ZNF714: variants seen among roughly 807,000 people sequenced by gnomAD.
The protein encoded by ZNF714 is zinc finger protein 714.
ZNF714 carries 32 observed loss-of-function variants against 46.2 expected under a neutral mutation model. The observed-to-expected ratio is 0.69, with a 90% CI of 0.52 to 0.93. ZNF714 has a LOEUF of 0.93. Among genes scored for constraint, ZNF714 ranks in the 40% least tolerant of loss-of-function variants. The probability of loss-of-function intolerance (pLI) is 0.00; values close to 1 mark genes in which losing one functional copy is unlikely to be tolerated. For synonymous variants in ZNF714, 199 were observed against 213.1 expected, an observed-to-expected ratio of 0.93 and a Z score of 0.58; for missense variants, 635 against 646.3, an observed-to-expected ratio of 0.98 and a Z score of 0.19.
In ZNF714 at chr19:21,118,553, A is replaced by G; in HGVS notation, c.*221A>G. 1 of 287,184 alleles carries G rather than the reference A, an allele frequency of 3.5e-6. No individual in the cohort carries two copies. Among genetic ancestry groups the G allele is most frequent in the Non-Finnish European group, 6.8e-6 (1 of 146,086 alleles). The allele number at this position is 287,184 out of a possible 1,614,324, so 17.8% of individuals were successfully genotyped here. Reference sequence around the variant, plus strand: ...CAACCAGTCCTCGAACCTTTTTAAGAAAATAATTTATACTGGAGAGAAATT... The same window carrying G: ...CAACCAGTCCTCGAACCTTTTTAAGGAAATAATTTATACTGGAGAGAAATT... On this transcript the variant is annotated 3_prime_UTR_variant, in exon 5 of 5. Coordinates refer to ENST00000456283, the MANE Select transcript of ZNF714 (RefSeq NM_182515.4).
rs141285087 is a variant in ZNF714 at position 21,084,119 on chromosome 19, C to G, written c.-85+50C>G. 1.6e-4 allele frequency: 113 copies of G among 717,978 alleles called. 1 individual carries two copies. The African/African-American group carries it at 1.8e-3, about 11-fold the overall frequency. The allele number at this position is 717,978 out of a possible 1,614,324, so 44.5% of individuals were successfully genotyped here. ...GAAAACACAGAAATAACATCTGCCT[C>G]CTGGATTGTCTAAGGGGTAGAAATA... On this transcript the variant is annotated intron_variant, in intron 2 of 4. Transcript: ENST00000456283.
chr19:21,106,572 A>G (rs891200677), intron 4 of ZNF714, among the ~76,000 whole-genome samples: 10 of 151,656 alleles, frequency 6.6e-5, no homozygotes, highest in Admixed American at 2.6e-4. Flanking sequence ...CCGTCTCAAA[A>G]AAAAAAAAAA....
chr19:21,093,358 G>A (rs865904249), intron 2 of ZNF714, among the ~76,000 whole-genome samples: 19 of 151,576 alleles, frequency 1.3e-4, no homozygotes, highest in African/African-American at 4.4e-4. Flanking sequence ...TCAGCCTCCC[G>A]AGTAGCTGGG....
At chr19:21,087,069 T>A (rs955127412) in intron 2 of ZNF714, among the ~76,000 whole-genome samples, 1 of 152,034 alleles carries the variant, frequency 6.6e-6, no homozygotes, top group Non-Finnish European at 1.5e-5. Context: ...ATACTGAAAG[T>A]TTTTTCTGTA....
chr19:21,089,684 G>A (rs916944815), intron 2 of ZNF714, among the ~76,000 whole-genome samples: 10 of 152,192 alleles, frequency 6.6e-5, no homozygotes, highest in Non-Finnish European at 1.0e-4. Flanking sequence ...TCCTAGGCCT[G>A]CATTCTATCC....
intron 4 of ZNF714, among the ~76,000 whole-genome samples, chr19:21,115,711 T>G (rs1969580539): frequency 6.6e-6 from 1 of 151,980 alleles, no homozygotes; most frequent in Admixed American, 6.5e-5. Context: ...GAAATTGTGC[T>G]TATATATGTG....
chr19:21,090,360 C>T (rs569963197), intron 2 of ZNF714, among the ~76,000 whole-genome samples: 1 of 152,320 alleles, frequency 6.6e-6, no homozygotes, highest in Non-Finnish European at 1.5e-5. Flanking sequence ...CCCATTAGCA[C>T]TTAAGTTTTC....
intron 4 of ZNF714, among the ~76,000 whole-genome samples, chr19:21,103,539 C>T (rs540953988): frequency 1.3e-4 from 20 of 151,836 alleles, no homozygotes; most frequent in Non-Finnish European, 2.6e-4. Flanking sequence ...GGTGACAGAG[C>T]GAGATTATGT....
Position 21,082,207 on chromosome 19 carries a change from C to T in ZNF714, c.-318C>T. ...CGGGGATGTGGCGGGGCCTTTGTCT[C>T]TCGCTGCAGCTGGAGCTGCAGGTCT... On this transcript the variant is annotated 5_prime_UTR_variant, in exon 1 of 5. Transcript: ENST00000456283. 1 of 908,170 alleles carries T rather than the reference C, an allele frequency of 1.1e-6. No homozygotes were observed. The highest frequency in any genetic ancestry group is 1.4e-5 in the South Asian group (1 of 70,792). The allele number at this position is 908,170 out of a possible 1,614,324, so 56.3% of individuals were successfully genotyped here. A position where few individuals can be genotyped will look rare whatever the true frequency, so the allele number is the denominator to read the frequency against.
At chr19:21,109,163 C>T (rs1969389329) in intron 4 of ZNF714, among the ~76,000 whole-genome samples, 1 of 152,100 alleles carries the variant, frequency 6.6e-6, no homozygotes, top group Non-Finnish European at 1.5e-5. Flanking sequence ...CTCTTATAGA[C>T]AGCAAATTGT....
Position 21,120,907 on chromosome 19 carries a change from G to T in ZNF714, c.*2575G>T, listed in dbSNP as rs1435072564. The T allele has an allele frequency of 1.3e-5, 2 of 151,986 alleles. No individual in the cohort carries two copies. The highest frequency in any genetic ancestry group is 4.8e-5 in the African/African-American group (2 of 41,366). The allele number at this position is 151,986 out of a possible 1,614,324, so 9.4% of individuals were successfully genotyped here. ...GAGTATATATTTATGCACTTATATG[G>T]CATATTTTAGTACAGGAATACAATA... On this transcript the variant is annotated 3_prime_UTR_variant, in exon 5 of 5. Coordinates refer to ENST00000456283, the MANE Select transcript of ZNF714 (RefSeq NM_182515.4).
intron 4 of ZNF714, among the ~76,000 whole-genome samples, chr19:21,110,772 A>G (rs543257367): frequency 6.6e-6 from 1 of 152,292 alleles, no homozygotes; most frequent in African/African-American, 2.4e-5. Context: ...TATAAGTGTA[A>G]GAAAGGGGGT....
Position 21,119,381 on chromosome 19 carries a change from C to A in ZNF714, c.*1049C>A. The stretch of plus-strand genomic sequence containing the variant: ...TTGCACTCTAGCCTGGGCCACAGAG[C>A]AAGACTCCATCTAAAAAGTAAAAAA... On this transcript the variant is annotated 3_prime_UTR_variant, in exon 5 of 5. Transcript: ENST00000456283. 1.1e-5 allele frequency: 2 copies of A among 177,260 alleles called. No homozygotes were observed. Among genetic ancestry groups the A allele is most frequent in the South Asian group, 9.4e-5 (1 of 10,622 alleles). The allele number at this position is 177,260 out of a possible 1,614,324, so 11.0% of individuals were successfully genotyped here.
intron 4 of ZNF714, among the ~76,000 whole-genome samples, chr19:21,115,824 A>G (rs1969583304): frequency 6.7e-6 from 1 of 150,318 alleles, no homozygotes; most frequent in Admixed American, 6.6e-5. Context: ...TTCTTTTGAT[A>G]TTTTTTACCT....
At chr19:21,084,857 T>C (rs552971641) in intron 2 of ZNF714, among the ~76,000 whole-genome samples, 9 of 152,160 alleles carry the variant, frequency 5.9e-5, no homozygotes, top group African/African-American at 2.2e-4. Context: ...TGACCTCAGA[T>C]GATCTGCCCT....
rs1303843067 is a variant in ZNF714 at position 21,082,219 on chromosome 19, G to A, written c.-306G>A. ...GGGGCCTTTGTCTCTCGCTGCAGCT[G>A]GAGCTGCAGGTCTCGCCTTCACTGC... On this transcript the variant is annotated 5_prime_UTR_variant, in exon 1 of 5. Transcript: ENST00000456283. The A allele has an allele frequency of 3.1e-6, 3 of 969,570 alleles. No individual in the cohort carries two copies. Among genetic ancestry groups the A allele is most frequent in the East Asian group, 4.2e-5 (1 of 23,934 alleles). The allele number at this position is 969,570 out of a possible 1,614,324, so 60.1% of individuals were successfully genotyped here.
intron 2 of ZNF714, among the ~76,000 whole-genome samples, chr19:21,086,096 TAGAAG>T (rs1309132874): frequency 3.3e-5 from 5 of 152,150 alleles, no homozygotes; most frequent in Admixed American, 6.5e-5. Flanking sequence ...AGCATGTTCT[TAGAAG>T]AGACATAAAA....
At chr19:21,105,411 G>T (rs1165802112) in intron 4 of ZNF714, among the ~76,000 whole-genome samples, 2 of 151,740 alleles carry the variant, frequency 1.3e-5, no homozygotes, top group Admixed American at 6.6e-5. Flanking sequence ...ACTTTCACTT[G>T]TGAGTTCCAT....
In ZNF714 at chr19:21,082,234, G is replaced by T. The variant is rs569175599; in HGVS notation, c.-291G>T. The T allele has an allele frequency of 2.6e-6, 3 of 1,156,428 alleles. No individual in the cohort carries two copies. The highest frequency in any genetic ancestry group is 4.0e-5 in the East Asian group (1 of 25,008). 71.6% of individuals were successfully genotyped at this position (1,156,428 alleles called of 1,614,324 possible). ...CGCTGCAGCTGGAGCTGCAGGTCTC[G>T]CCTTCACTGCCCTGTGTCCTCTGCT... On this transcript the variant is annotated 5_prime_UTR_variant, in exon 1 of 5. Coordinates refer to ENST00000456283, the MANE Select transcript of ZNF714 (RefSeq NM_182515.4).
Sources: allele counts gnomAD v4.1 joint callset (sites outside exome capture counted in the v4.1 genomes callset), GRCh38; gene constraint gnomAD v4.1.1; transcripts MANE v1.5; gene names NCBI Gene and HGNC (gene_info 2026-07-23, HGNC 2026-07-21).